POLN: variants seen among roughly 807,000 people sequenced by gnomAD.
The protein encoded by POLN is DNA polymerase N.
POLN carries 108 observed loss-of-function variants against 113.5 expected under a neutral mutation model. The ratio of observed to expected loss-of-function variants is 0.95; its 90% CI spans 0.81 to 1.12. The LOEUF is 1.12. Among genes scored for constraint, POLN ranks in the 50% most tolerant of loss-of-function variants. The pLI is 0.00. For missense variants in POLN, 1,097 were observed against 1,077.1 expected (o/e 1.02, Z -0.26); for synonymous variants, 386 against 391.5 (o/e 0.99, Z 0.17).
chr4:2,090,364 A>G, intron 20 of POLN: 1 of 704,698 alleles, frequency 1.4e-6, no homozygotes, highest in African/African-American at 1.8e-5. Context: ...CATGTGATCA[A>G]GGCATGAATA....
chr4:2,239,978 T>A, intron 2 of POLN: 1 of 1,310,822 alleles, frequency 7.6e-7, no homozygotes, highest in Non-Finnish European at 1.1e-6. Context: ...ACAGCAATAT[T>A]ATCTCCTCTA....
In POLN at chr4:2,240,673, G is replaced by A. The variant is rs761608078; in HGVS notation, c.-13+847C>T. 8 of 1,613,892 alleles carry A rather than the reference G, an allele frequency of 5.0e-6. No homozygotes were observed. The South Asian group carries it at 6.6e-5, about 13-fold the overall frequency. On this transcript the variant is annotated intron_variant, in intron 2 of 25. Transcript: ENST00000511885. Reference sequence around the variant, plus strand: ...TCCAGCTCTTTATCATCCAGTCTAGGTGTCTTCAAATCAGAAGTTTTACAC... The same window carrying A: ...TCCAGCTCTTTATCATCCAGTCTAGATGTCTTCAAATCAGAAGTTTTACAC...
Position 2,126,765 on chromosome 4 carries a change from T to C in POLN, c.1982+1348A>G, listed in dbSNP as rs1577708852. On this transcript the variant is annotated intron_variant, in intron 19 of 25. Transcript: ENST00000511885. The surrounding 1 kb of genome is among the most constrained non-coding windows in gnomAD (Gnocchi z 4.6). Reference sequence around the variant, plus strand: ...ACGGACATTCGGGGAAAGAGCTTCCTGAGCCCCAGGACAGGAAAGGCCAGA... The same window carrying C: ...ACGGACATTCGGGGAAAGAGCTTCCCGAGCCCCAGGACAGGAAAGGCCAGA... Among the ~76,000 whole-genome samples the C allele has an allele frequency of 1.3e-5, 2 of 152,130 alleles. No individual in the cohort carries two copies. Among genetic ancestry groups the C allele is most frequent in the African/African-American group, 2.4e-5 (1 of 41,500 alleles).
intron 19 of POLN, among the ~76,000 whole-genome samples, chr4:2,102,763 C>A (rs1435315100): frequency 6.6e-6 from 1 of 152,182 alleles, no homozygotes; most frequent in East Asian, 1.9e-4. Flanking sequence ...CAGCCTCCAC[C>A]AATACCTACA....
intron 16 of POLN, among the ~76,000 whole-genome samples, chr4:2,146,999 C>T (rs984878602): frequency 1.3e-5 from 2 of 152,082 alleles, no homozygotes; most frequent in African/African-American, 4.8e-5. Flanking sequence ...ACTCACCAAC[C>T]AAGAAACCAA....
intron 5 of POLN, among the ~76,000 whole-genome samples, chr4:2,204,189 C>G (rs1465694941): frequency 2.7e-5 from 4 of 147,312 alleles, no homozygotes; most frequent in African/African-American, 1.0e-4. Flanking sequence ...ATTGATAGAC[C>G]ATTACCAAGA....
intron 20 of POLN, among the ~76,000 whole-genome samples, chr4:2,086,980 C>G (rs1730565449): frequency 6.6e-6 from 1 of 152,212 alleles, no homozygotes; most frequent in African/African-American, 2.4e-5. Flanking sequence ...TTCAGCCAGG[C>G]CACTCCTGGC....
intron 19 of POLN, among the ~76,000 whole-genome samples, chr4:2,103,274 C>A (rs745312896): frequency 6.6e-6 from 1 of 151,782 alleles, no homozygotes; most frequent in Non-Finnish European, 1.5e-5. Flanking sequence ...ACCAACTAAA[C>A]CGACTTTCTG....
chr4:2,131,223 A>G lies in POLN; in HGVS notation c.1789+10T>C. 6.4e-7 allele frequency: 1 copy of G among 1,567,216 alleles called. No homozygotes were observed. The highest frequency in any genetic ancestry group is 8.8e-7 in the Non-Finnish European group (1 of 1,140,238). On this transcript the variant is annotated intron_variant, in intron 17 of 25. Coordinates refer to ENST00000511885, the MANE Select transcript of POLN (RefSeq NM_181808.4). ...CAGAGACTTTAGCAAGGTAGTAAGA[A>G]ATGAGTTACCTTTAAAATTCTTAGG...
intron 20 of POLN, among the ~76,000 whole-genome samples, 187 bp from the exon 21 acceptor site, chr4:2,085,931 AT>A (rs1730539550): frequency 6.6e-6 from 1 of 152,138 alleles, no homozygotes; most frequent in South Asian, 2.1e-4. Context: ...TGAAACATGT[AT>A]TTATTCAGTG....
At chr4:2,181,676 C>A (rs1733145974) in intron 7 of POLN, among the ~76,000 whole-genome samples, 1 of 152,034 alleles carries the variant, frequency 6.6e-6, no homozygotes, top group African/African-American at 2.4e-5. Flanking sequence ...GCACTAAACA[C>A]TGTAATTCAA....
Position 2,241,519 on chromosome 4 carries a change from CCTCAACGT to C in POLN, c.-20_-13del. On this transcript the variant is annotated splice_region_variant and 5_prime_UTR_variant, in exon 2 of 26. Coordinates refer to ENST00000511885, the MANE Select transcript of POLN (RefSeq NM_181808.4). ...CTTCTGAAGATCAACTAAATATTTA[CCTCAACGT>C]CTCGCCGGGCAAGGCTCCACCTCCA... The C allele has an allele frequency of 1.0e-6, 1 of 985,986 alleles. No homozygotes were observed. The highest frequency in any genetic ancestry group is 1.2e-6 in the Non-Finnish European group (1 of 830,332). 61.1% of individuals were successfully genotyped at this position (985,986 alleles called of 1,614,324 possible). A position where few individuals can be genotyped will look rare whatever the true frequency, so the allele number is the denominator to read the frequency against.
rs561413816 is a variant in POLN at position 2,092,220 on chromosome 4, T to G, written c.2065+3631A>C. 1.1e-4 allele frequency among the ~76,000 whole-genome samples: 16 copies of G among 152,184 alleles called. No individual in the cohort carries two copies. In the East Asian group the frequency reaches 1.9e-3, roughly 18 times the overall value. ...AGGCACTGAGCCAGGCGGTGTGCCC[T>G]CAGCACAGGCCTGTGGGTCACGTGA... is the stretch of plus-strand genomic sequence containing the variant. On this transcript the variant is annotated intron_variant, in intron 20 of 25. Coordinates refer to ENST00000511885, the MANE Select transcript of POLN (RefSeq NM_181808.4).
chr4:2,143,608 T>C (rs966467923), intron 16 of POLN, among the ~76,000 whole-genome samples: 6 of 152,112 alleles, frequency 3.9e-5, no homozygotes, highest in African/African-American at 1.4e-4. Flanking sequence ...GAGGATTCTA[T>C]CAAATATTTA....
intron 16 of POLN, among the ~76,000 whole-genome samples, chr4:2,153,740 G>T (rs372327475): frequency 4.6e-5 from 7 of 151,480 alleles, no homozygotes; most frequent in Non-Finnish European, 1.0e-4. Flanking sequence ...CCACTACCAC[G>T]CCCGGCTAAT....
At chr4:2,221,542 A>G (rs756258005) in intron 3 of POLN, among the ~76,000 whole-genome samples, 1 of 152,122 alleles carries the variant, frequency 6.6e-6, no homozygotes, top group Admixed American at 6.5e-5. Flanking sequence ...AGGCTGATCA[A>G]GGACTCAAAA....
chr4:2,179,593 A>T, intron 7 of POLN, 128 bp from the exon 8 acceptor site: 1 of 950,914 alleles, frequency 1.1e-6, no homozygotes, highest in South Asian at 1.6e-5. Context: ...AGACCTAAGG[A>T]CCAAAGTGAC....
At chr4:2,152,825 G>T (rs1282635759) in intron 16 of POLN, among the ~76,000 whole-genome samples, 1 of 152,202 alleles carries the variant, frequency 6.6e-6, no homozygotes, top group Non-Finnish European at 1.5e-5. Context: ...CAGTACAGGG[G>T]AAAGTCACCA....
intron 3 of POLN, chr4:2,227,429 G>C (rs951397878): frequency 6.6e-6 from 1 of 152,214 alleles, no homozygotes; most frequent in African/African-American, 2.4e-5. Context: ...GTCAGGTCCA[G>C]GCTCCTGACG....
Sources: gnomAD v4.1 joint callset for allele counts (sites outside exome capture counted in the v4.1 genomes callset) on GRCh38, gnomAD v4.1.1 for gene constraint, Gnocchi (gnomAD v3.1) non-coding constraint, MANE v1.5 for transcripts, NCBI Gene and HGNC (gene_info 2026-07-23, HGNC 2026-07-21) for gene names.